The following PDE1C variants were observed in gnomAD, a reference collection of about 807,000 sequenced individuals.
The protein encoded by PDE1C is dual specificity calcium/calmodulin-dependent 3',5'-cyclic nucleotide phosphodiesterase 1C.
Under a neutral mutation model 93.1 loss-of-function variants are expected in PDE1C, and 62 were observed. The ratio of observed to expected loss-of-function variants is 0.67; its 90% CI spans 0.54 to 0.82. The LOEUF (loss-of-function observed/expected upper bound fraction) is 0.82, where lower values mean the gene tolerates loss of function less well. PDE1C is among the 40% of genes least tolerant of loss of function. The probability of loss-of-function intolerance (pLI) is 0.00; values close to 1 mark genes in which losing one functional copy is unlikely to be tolerated. For synonymous variants in PDE1C, 325 were observed against 310.1 expected (o/e 1.05, Z -0.50); for missense variants, 742 against 884.6 (o/e 0.84, Z 2.04).
At position 32,094,192 on chromosome 7, in the gene PDE1C, C is replaced by T. The variant is rs1797625074; in HGVS notation, c.308+75593G>A. Among the ~76,000 whole-genome samples, 3 of 152,170 alleles carry T rather than the reference C, an allele frequency of 2.0e-5. No individual in the cohort carries two copies. In the South Asian group the frequency reaches 6.2e-4, roughly 32 times the overall value. On this transcript the variant is annotated intron_variant, in intron 3 of 18. Transcript: ENST00000396193. ...ACCTGTGGCCCACTGTAGCCAATTC[C>T]AAGCTACCAACATGATGGCACTGAA...
chr7:31,986,150 A>T (rs1783371805), intron 2 of PDE1C, among the ~76,000 whole-genome samples: 1 of 152,162 alleles, frequency 6.6e-6, no homozygotes, highest in African/African-American at 2.4e-5. Flanking sequence ...GACGTCCAAA[A>T]TCAAGGTGTT....
intron 3 of PDE1C, among the ~76,000 whole-genome samples, chr7:32,128,388 A>C (rs972731879): frequency 5.3e-5 from 8 of 151,982 alleles, no homozygotes; most frequent in African/African-American, 1.9e-4. Context: ...ACACAACATA[A>C]AATTAAAAGT....
chr7:31,762,236 T>C (rs1794877169), intron 17 of PDE1C, among the ~76,000 whole-genome samples: 1 of 152,240 alleles, frequency 6.6e-6, no homozygotes. Context: ...AAAATTACTT[T>C]CGTGCCATGT....
chr7:32,113,047 A>C (rs569416533), intron 3 of PDE1C, among the ~76,000 whole-genome samples: 225 of 149,510 alleles, frequency 1.5e-3, no homozygotes, highest in African/African-American at 5.2e-3. Flanking sequence ...GCTAGAAGGA[A>C]GGTAAGTGCA....
At chr7:31,767,344 T>C (rs921880544) in intron 17 of PDE1C, among the ~76,000 whole-genome samples, 2 of 152,172 alleles carry the variant, frequency 1.3e-5, no homozygotes, top group Non-Finnish European at 2.9e-5. Context: ...GATTTGATCA[T>C]GGGGGTAGAT....
At chr7:31,697,803 C>T in the PDE1C span, among the ~76,000 whole-genome samples, 3 of 152,272 alleles carry the variant, frequency 2.0e-5, no homozygotes, top group African/African-American at 7.2e-5. Context: ...CTCAGTTTAT[C>T]ATGTCTCATG....
At chr7:31,670,041 C>T in the PDE1C span, among the ~76,000 whole-genome samples, 2 of 152,112 alleles carry the variant, frequency 1.3e-5, no homozygotes, top group Admixed American at 6.6e-5. Flanking sequence ...TCTCCAGATG[C>T]CCCAGATATT....
At position 31,835,525 on chromosome 7, in the gene PDE1C, G is replaced by GGTGTGTGTGT. The variant is rs58539780; in HGVS notation, c.1203+1645_1203+1654dup. 3.2e-3 allele frequency among the ~76,000 whole-genome samples: 466 copies of GGTGTGTGTGT among 147,054 alleles called. 3 individuals carry two copies. The highest frequency in any genetic ancestry group is 0.011 in the African/African-American group (448 of 40,054). ...ACATATAATAGCTGGGGGGTGCTGC[G>GGTGTGTGTGT]GTGTGTGTGTGTGTGTGTGTGTGTG... On this transcript the variant is annotated intron_variant, in intron 11 of 17. Coordinates refer to ENST00000396191, the MANE Select transcript of PDE1C (RefSeq NM_001191057.4).
intron 14 of PDE1C, among the ~76,000 whole-genome samples, chr7:31,821,851 C>T (rs1789008751): frequency 6.6e-6 from 1 of 152,096 alleles, no homozygotes; most frequent in Non-Finnish European, 1.5e-5. Context: ...GCAGAACCCC[C>T]AGCCCCAACC....
chr7:32,133,200 C>G (rs931432703), intron 3 of PDE1C, among the ~76,000 whole-genome samples: 1 of 152,118 alleles, frequency 6.6e-6, no homozygotes, highest in Admixed American at 6.6e-5. Context: ...AAGACATGAG[C>G]TATATCTGCT....
At chr7:31,776,418 T>G (rs1402648147) in intron 16 of PDE1C, among the ~76,000 whole-genome samples, 1 of 152,084 alleles carries the variant, frequency 6.6e-6, no homozygotes, top group Non-Finnish European at 1.5e-5. Context: ...GGCAACAGAA[T>G]TCCTATGAGG....
rs144870971 is a variant in PDE1C at position 31,880,759 on chromosome 7, A to G, written c.230T>C (p.Ile77Thr). 35 of 1,584,920 alleles carry G rather than the reference A, an allele frequency of 2.2e-5. No homozygotes were observed. The highest frequency in any genetic ancestry group is 2.6e-5 in the Non-Finnish European group (30 of 1,153,868). Residue 77 changes from isoleucine (I) to threonine (T), a missense_variant, in exon 3 of 18, where the codon ATT becomes ACT. By Grantham distance (89) the Ile-to-Thr change is moderately conservative. Coordinates refer to ENST00000396191, the MANE Select transcript of PDE1C (RefSeq NM_001191057.4). Reference protein sequence around the residue: ...YAATVLESVYIDETRRLLDTE... With the variant: ...YAATVLESVYTDETRRLLDTE... ...ATTTTTAGCTTACCTTGTTTCATCAATATACACAGATTCAAGCACTGTGGC... is the reference window on the plus strand; with the variant it reads ...ATTTTTAGCTTACCTTGTTTCATCAGTATACACAGATTCAAGCACTGTGGC...
chr7:32,176,206 T>C (rs1016598495), intron 2 of PDE1C, among the ~76,000 whole-genome samples: 1 of 152,218 alleles, frequency 6.6e-6, no homozygotes, highest in Non-Finnish European at 1.5e-5. Context: ...ATTTATGTAA[T>C]GGATTGCTAT....
At chr7:32,148,145 A>G (rs1376185982) in intron 3 of PDE1C, among the ~76,000 whole-genome samples, 1 of 152,098 alleles carries the variant, frequency 6.6e-6, no homozygotes, top group Non-Finnish European at 1.5e-5. Flanking sequence ...ATTCTGTATC[A>G]CAGGCAATCT....
chr7:31,862,619 T>A (rs1794812803), intron 7 of PDE1C, among the ~76,000 whole-genome samples: 1 of 152,164 alleles, frequency 6.6e-6, no homozygotes, highest in African/African-American at 2.4e-5. Flanking sequence ...CTCATTTTTA[T>A]AAAGGCACTA....
rs140217867 is a variant in PDE1C, at chr7:31,835,834, AACAC to A, written c.1203+1342_1203+1345del. On this transcript the variant is annotated intron_variant, in intron 11 of 17. Coordinates refer to ENST00000396191, the MANE Select transcript of PDE1C (RefSeq NM_001191057.4). ...CATTACTAGATAGTTTCAGAAGGAA[AACAC>A]ACACACACAGGCACACACACACACA... Among the ~76,000 whole-genome samples the A allele has an allele frequency of 3.1e-3, 473 of 151,992 alleles. 4 individuals carry two copies. Among genetic ancestry groups the A allele is most frequent in the African/African-American group, 0.011 (453 of 41,466 alleles).
intron 12 of PDE1C, among the ~76,000 whole-genome samples, chr7:31,826,043 CA>C (rs1379001574): frequency 2.6e-5 from 4 of 152,130 alleles, no homozygotes; most frequent in Non-Finnish European, 5.9e-5. Context: ...ATTGTCCCAA[CA>C]GCTCAGACAC....
chr7:31,740,829 G>T, the PDE1C span, among the ~76,000 whole-genome samples: 1 of 152,102 alleles, frequency 6.6e-6, no homozygotes, highest in Non-Finnish European at 1.5e-5. Context: ...AGCACTTTGG[G>T]AGGCTGAGGA....
chr7:32,269,621 A>G (rs1810833938), intron 1 of PDE1C, among the ~76,000 whole-genome samples: 1 of 152,184 alleles, frequency 6.6e-6, no homozygotes, highest in Non-Finnish European at 1.5e-5. Flanking sequence ...CTGGGACTAC[A>G]GGCACATGCC....
Sources: gnomAD v4.1 joint callset for allele counts (sites outside exome capture counted in the v4.1 genomes callset) on GRCh38, gnomAD v4.1.1 for gene constraint, MANE v1.5 for transcripts, NCBI Gene and HGNC (gene_info 2026-07-23, HGNC 2026-07-21) for gene names.